CCNH: variants seen among roughly 807,000 people sequenced by gnomAD.
CCNH encodes cyclin-H.
In CCNH, 31 loss-of-function variants were observed where a neutral mutation model predicts 41.9. The observed-to-expected ratio is 0.74, with a 90% CI of 0.56 to 1.00. CCNH has a LOEUF of 1.00. Among genes scored for constraint, CCNH ranks in the 50% least tolerant of loss-of-function variants. The pLI is 0.00. For synonymous variants in CCNH, 138 were observed against 136.1 expected, an observed-to-expected ratio of 1.01 and a Z score of -0.10; for missense variants, 362 against 388.4, an observed-to-expected ratio of 0.93 and a Z score of 0.57.
downstream of CCNH, chr5:87,394,244 AAG>A (rs3840119): frequency 5.9e-3 from 7,314 of 1,248,606 alleles, 439 homozygotes; most frequent in East Asian, 0.15. Context: ...ACGATGGAAT[AAG>A]AATATTCAAA....
rs1285131522 is a variant in CCNH, at chr5:87,404,860, C to G, written c.673G>C (p.Gly225Arg). 6.2e-7 allele frequency: 1 copy of G among 1,608,994 alleles called. No individual in the cohort carries two copies. Among genetic ancestry groups the G allele is most frequent in the Non-Finnish European group, 8.5e-7 (1 of 1,178,358 alleles). Residue 225 changes from glycine (G) to arginine (R), a missense_variant, in exon 5 of 9, where the codon GGA (glycine) becomes CGA (arginine). Transcript: ENST00000256897. ...AATTAATACCTTTCCATAGTAATTC[C>G]AGCCCTGGAGGCACTAGATAAAATG... Reference protein sequence around the residue: ...TAILSSASRAGITMESYLSES... With the variant: ...TAILSSASRARITMESYLSES...
At chr5:87,352,331 T>C (rs960433923) in intron 9 of CCNH, among the ~76,000 whole-genome samples, 4 of 151,006 alleles carry the variant, frequency 2.6e-5, no homozygotes, top group Non-Finnish European at 5.9e-5. Flanking sequence ...TATATTCTAA[T>C]TATATATATA....
chr5:87,392,943 A>T (rs1397315102), downstream of CCNH: 1 of 152,244 alleles, frequency 6.6e-6, no homozygotes, highest in Non-Finnish European at 1.5e-5. Flanking sequence ...ACATCTTGTA[A>T]TTCTGTCTAG....
At chr5:87,338,536 A>ATATATATATATATATTT in intron 9 of CCNH, among the ~76,000 whole-genome samples, 63 of 85,182 alleles carry the variant, frequency 7.4e-4, no homozygotes, top group Non-Finnish European at 1.1e-3. Flanking sequence ...TATATATAAA[A>ATATATATATATATATTT]TTTTTTTTTT....
chr5:87,322,825 T>A (rs1278292297), intron 9 of CCNH, among the ~76,000 whole-genome samples: 3 of 152,112 alleles, frequency 2.0e-5, no homozygotes, highest in Admixed American at 6.6e-5. Flanking sequence ...ATAAATAAAA[T>A]AACACCACAA....
intron 8 of CCNH, 180 bp from the exon 9 acceptor site, chr5:87,394,664 C>G (rs939095688): frequency 7.2e-7 from 1 of 1,396,186 alleles, no homozygotes; most frequent in Non-Finnish European, 9.3e-7. Flanking sequence ...CCAGACTCCT[C>G]CAGTGAGGAA....
chr5:87,404,830 A>T lies in CCNH; in HGVS notation c.689+14T>A, dbSNP rs1380170872. ...GTGACTGAATTTGACCTAAGTTAAA[A>T]AACTAATTAATACCTTTCCATAGTA... is the stretch of plus-strand genomic sequence containing the variant. On this transcript the variant is annotated intron_variant, in intron 5 of 8. Transcript: ENST00000256897. 1 of 1,580,260 alleles carries T rather than the reference A, an allele frequency of 6.3e-7. No individual in the cohort carries two copies. Among genetic ancestry groups the T allele is most frequent in the Non-Finnish European group, 8.6e-7 (1 of 1,167,068 alleles).
Position 87,351,605 on chromosome 5 carries a change from A to C in CCNH, c.*91-32708T>G, listed in dbSNP as rs184148207. On this transcript the variant is annotated intron_variant and NMD_transcript_variant, in intron 9 of 9. Coordinates refer to the CCNH transcript ENST00000645953. ...AGTAAGTTTACATTGAATATGCTTT[A>C]GTTTTCTGAGATGTAAATCTGTCTG... Among the ~76,000 whole-genome samples the C allele has an allele frequency of 8.6e-5, 13 of 151,910 alleles. No homozygotes were observed. In the East Asian group the frequency reaches 2.5e-3, roughly 29 times the overall value.
chr5:87,392,617 T>C (rs117621147), downstream of CCNH: 1 of 250,858 alleles, frequency 4.0e-6, no homozygotes, highest in East Asian at 1.1e-4. Context: ...TTGGCTCCCA[T>C]TTATCACACC....
downstream of CCNH, chr5:87,389,331 CA>C (rs1443971696): frequency 1.5e-5 from 24 of 1,588,264 alleles, no homozygotes; most frequent in Admixed American, 5.1e-5. Context: ...AACTCTGTCT[CA>C]AAAAAAACAA....
chr5:87,401,721 CTG>C lies in CCNH; in HGVS notation c.739_740del (p.Gln247ValfsTer16). Reference protein sequence around the residue: ...MLKENRTCLSQLLDIMKSMRN... With the variant: ...MLKENRTCLSXLLDIMKSMRN... ...ACTTACTTTTCATTATATCTAGTAA[CTG>C]TGACAGGCAAGTTCTGTTCTCTTTC... On this transcript the variant is annotated frameshift_variant, in exon 6 of 9. Coordinates refer to ENST00000256897, the MANE Select transcript of CCNH (RefSeq NM_001239.4). LOFTEE classifies it high-confidence loss of function. 6 of 1,590,374 alleles carry C rather than the reference CTG, an allele frequency of 3.8e-6. No individual in the cohort carries two copies. The highest frequency in any genetic ancestry group is 1.1e-5 in the South Asian group (1 of 87,584).
chr5:87,372,979 A>G (rs1398394798), downstream of CCNH, among the ~76,000 whole-genome samples: 1 of 152,164 alleles, frequency 6.6e-6, no homozygotes, highest in African/African-American at 2.4e-5. Context: ...AGGGAAATTT[A>G]AGTATACACA....
chr5:87,380,756 T>TA (rs1025339915), upstream of CCNH, among the ~76,000 whole-genome samples: 4 of 151,234 alleles, frequency 2.6e-5, no homozygotes, highest in African/African-American at 7.3e-5. Context: ...AACTGAAAGT[T>TA]ACTGTGAGAT....
intron 9 of CCNH, chr5:87,369,734 G>C: frequency 1.2e-6 from 1 of 864,678 alleles, no homozygotes. Flanking sequence ...ATTATTTATT[G>C]TGAGTGTTTT....
intron 9 of CCNH, among the ~76,000 whole-genome samples, chr5:87,334,353 C>T (rs1757809715): frequency 6.6e-6 from 1 of 152,082 alleles, no homozygotes; most frequent in Non-Finnish European, 1.5e-5. Context: ...TTGTTCTGTT[C>T]AGACCCTCAG....
At chr5:87,355,100 C>A (rs991152230) in intron 9 of CCNH, among the ~76,000 whole-genome samples, 1 of 152,102 alleles carries the variant, frequency 6.6e-6, no homozygotes, top group Non-Finnish European at 1.5e-5. Flanking sequence ...GCAAGTTACC[C>A]AGAACATCTA....
At chr5:87,324,698 A>G (rs912646451) in intron 9 of CCNH, among the ~76,000 whole-genome samples, 1 of 152,170 alleles carries the variant, frequency 6.6e-6, no homozygotes, top group South Asian at 2.1e-4. Context: ...GGTTATATAC[A>G]AATATACCCA....
upstream of CCNH, among the ~76,000 whole-genome samples, chr5:87,377,537 A>T (rs1372701799): frequency 6.6e-6 from 1 of 152,122 alleles, no homozygotes; most frequent in East Asian, 1.9e-4. Context: ...GGTTTTCACC[A>T]TGTTGGCCAG....
intron 9 of CCNH, among the ~76,000 whole-genome samples, chr5:87,341,723 C>T (rs1561294974): frequency 1.3e-5 from 2 of 151,000 alleles, no homozygotes; most frequent in Non-Finnish European, 3.0e-5. Flanking sequence ...TCAGCAAGGT[C>T]TTTTTTTTTC....
Sources: allele counts gnomAD v4.1 joint callset (sites outside exome capture counted in the v4.1 genomes callset), GRCh38; gene constraint gnomAD v4.1.1; transcripts MANE v1.5; gene names NCBI Gene and HGNC (gene_info 2026-07-23, HGNC 2026-07-21).